The following MOBP variants were observed in gnomAD, a reference collection of about 807,000 sequenced individuals.
MOBP encodes myelin associated oligodendrocyte basic protein, also known as myelin-associated oligodendrocyte basic protein.
MOBP carries 5 observed loss-of-function variants against 15.0 expected under a neutral mutation model. That is an observed-to-expected ratio of 0.33 (90% CI 0.17 to 0.70). MOBP has a LOEUF of 0.70. Ranked by LOEUF, MOBP falls within the 30% of genes least tolerant of loss-of-function variation. The pLI, the probability that MOBP is intolerant of heterozygous loss-of-function variation, is 0.67. For missense variants in MOBP, 188 were observed against 257.8 expected (o/e 0.73, Z 1.85); for synonymous variants, 88 against 99.0 (o/e 0.89, Z 0.66).
chr3:39,515,157 C>T (rs1188880391), exon 5 of MOBP: 4 of 152,366 alleles, frequency 2.6e-5, no homozygotes, highest in Non-Finnish European at 4.4e-5. Flanking sequence ...GACACACCCC[C>T]TTCAGGGGCC....
At chr3:39,508,064 GA>G (rs1199422581) in intron 4 of MOBP, among the ~76,000 whole-genome samples, 1 of 152,200 alleles carries the variant, frequency 6.6e-6, no homozygotes, top group Non-Finnish European at 1.5e-5. Flanking sequence ...CATCACTGGA[GA>G]ACAGCACACA....
downstream of MOBP, among the ~76,000 whole-genome samples, chr3:39,504,683 C>T (rs892484078): frequency 4.6e-5 from 7 of 152,200 alleles, no homozygotes; most frequent in African/African-American, 1.7e-4. Context: ...CTTAGATTCC[C>T]AAAGGTCTTC....
intron 2 of MOBP, among the ~76,000 whole-genome samples, chr3:39,496,961 C>G (rs992684134): frequency 7.2e-5 from 11 of 152,158 alleles, no homozygotes; most frequent in African/African-American, 2.7e-4. Flanking sequence ...CCTCGCCCGG[C>G]CTGGCTAATT....
chr3:39,475,742 T>G (rs1158211945), intron 1 of MOBP, among the ~76,000 whole-genome samples: 1 of 152,074 alleles, frequency 6.6e-6, no homozygotes, highest in Admixed American at 6.5e-5. Flanking sequence ...CTTTTTCACA[T>G]GTTGCCAACC....
At chr3:39,496,720 A>G (rs954322781) in intron 2 of MOBP, among the ~76,000 whole-genome samples, 1 of 150,958 alleles carries the variant, frequency 6.6e-6, no homozygotes, top group Non-Finnish European at 1.5e-5. Context: ...CTGGATTGCA[A>G]TAGTGCAATC....
chr3:39,504,711 C>T (rs2043027659), downstream of MOBP, among the ~76,000 whole-genome samples: 1 of 152,200 alleles, frequency 6.6e-6, no homozygotes, highest in Non-Finnish European at 1.5e-5. Context: ...ATATTGGAGC[C>T]ACTTCTTCAT....
intron 2 of MOBP, 114 bp from the exon 3 acceptor site, chr3:39,501,952 C>T (rs2042975817): frequency 1.2e-6 from 1 of 832,332 alleles, no homozygotes; most frequent in Non-Finnish European, 2.0e-6. Context: ...CTGTAGGGCC[C>T]CCCTGAATGT....
intron 1 of MOBP, among the ~76,000 whole-genome samples, chr3:39,469,229 C>CGTGTGTGTGT (rs2042428233): frequency 8.8e-6 from 1 of 113,764 alleles, no homozygotes; most frequent in African/African-American, 4.0e-5. Context: ...TACATATATA[C>CGTGTGTGTGT]ATATGTGTGT....
intron 2 of MOBP, among the ~76,000 whole-genome samples, chr3:39,496,646 A>T (rs1575305553): frequency 6.8e-6 from 1 of 147,866 alleles, no homozygotes. Flanking sequence ...GGCTCCCACC[A>T]CCACGCCCGG....
exon 5 of MOBP, chr3:39,514,846 C>T (rs1377366895): frequency 1.3e-5 from 2 of 152,148 alleles, no homozygotes; most frequent in Non-Finnish European, 2.9e-5. Context: ...CCCCGATCCT[C>T]ACTCCACCAG....
At chr3:39,508,466 C>T (rs1406814303) in intron 4 of MOBP, among the ~76,000 whole-genome samples, 1 of 152,142 alleles carries the variant, frequency 6.6e-6, no homozygotes, top group Non-Finnish European at 1.5e-5. Context: ...TTCTAAGATT[C>T]CATATAAGTG....
chr3:39,507,633 G>GT (rs576502947), downstream of MOBP, among the ~76,000 whole-genome samples: 23 of 152,312 alleles, frequency 1.5e-4, no homozygotes, highest in East Asian at 3.9e-3. Flanking sequence ...CTTCTAGGCA[G>GT]TAGTTAGGGC....
At chr3:39,495,987 G>T (rs1428933445) in intron 2 of MOBP, among the ~76,000 whole-genome samples, 2 of 151,452 alleles carry the variant, frequency 1.3e-5, no homozygotes, top group African/African-American at 2.4e-5. Flanking sequence ...TTTTAAAAAC[G>T]GTAAGAGAAC....
intron 2 of MOBP, among the ~76,000 whole-genome samples, chr3:39,495,766 A>AT (rs2042870356): frequency 6.6e-6 from 1 of 150,584 alleles, no homozygotes; most frequent in Admixed American, 6.6e-5. Context: ...AAAAAAAAAA[A>AT]AGAAAAGAAA....
chr3:39,523,960 T>G (rs1287287788), intron 3 of MOBP, among the ~76,000 whole-genome samples: 1 of 152,220 alleles, frequency 6.6e-6, no homozygotes, highest in Middle Eastern at 3.2e-3. Flanking sequence ...AAAGTTTTAA[T>G]TTATCCCTGC....
intron 2 of MOBP, among the ~76,000 whole-genome samples, chr3:39,497,385 A>ACT (rs1314450112): frequency 3.3e-5 from 5 of 151,994 alleles, no homozygotes; most frequent in Admixed American, 2.6e-4. Context: ...TAGGACATAG[A>ACT]CTCATGGATC....
chr3:39,481,726 A>G (rs2042630500), intron 2 of MOBP, among the ~76,000 whole-genome samples: 1 of 152,040 alleles, frequency 6.6e-6, no homozygotes, highest in Non-Finnish European at 1.5e-5. Flanking sequence ...CTCAAATTCA[A>G]CTTCTGTTTC....
chr3:39,478,158 C>A (rs1242950012), intron 1 of MOBP, among the ~76,000 whole-genome samples: 1 of 152,192 alleles, frequency 6.6e-6, no homozygotes, highest in Non-Finnish European at 1.5e-5. Context: ...TCACCCAGAG[C>A]AACTTTTGGG....
downstream of MOBP, among the ~76,000 whole-genome samples, chr3:39,506,271 C>T (rs952055273): frequency 2.6e-5 from 4 of 152,134 alleles, no homozygotes; most frequent in Non-Finnish European, 4.4e-5. Flanking sequence ...AGTGTAAACT[C>T]GTCATCTTTA....
Sources: gnomAD v4.1 joint callset for allele counts (sites outside exome capture counted in the v4.1 genomes callset) on GRCh38, gnomAD v4.1.1 for gene constraint, MANE v1.5 for transcripts, NCBI Gene and HGNC (gene_info 2026-07-23, HGNC 2026-07-21) for gene names.